Variants in COL24A1 observed in about 807,000 individuals in gnomAD.
COL24A1 encodes the protein collagen alpha-1(XXIV) chain.
In COL24A1, 224 loss-of-function variants were observed where a neutral mutation model predicts 253.9. The observed-to-expected ratio is 0.88, with a 90% CI of 0.79 to 0.99. The LOEUF (loss-of-function observed/expected upper bound fraction) is 0.99, where lower values mean the gene tolerates loss of function less well. Among genes scored for constraint, COL24A1 ranks in the 50% least tolerant of loss-of-function variants. The pLI is 0.00. For synonymous variants in COL24A1, 685 were observed against 673.7 expected (o/e 1.02, Z -0.26); for missense variants, 2,131 against 2,068.5 (o/e 1.03, Z -0.59).
At chr1:85,869,321 C>T (rs1263657978) in intron 35 of COL24A1, among the ~76,000 whole-genome samples, 5 of 152,180 alleles carry the variant, frequency 3.3e-5, no homozygotes, top group African/African-American at 1.2e-4. Flanking sequence ...GGCTCTGCAA[C>T]GTACAAATTC....
At chr1:86,011,504 T>A (rs1332227729) in intron 19 of COL24A1, among the ~76,000 whole-genome samples, 2 of 152,224 alleles carry the variant, frequency 1.3e-5, no homozygotes, top group Admixed American at 6.5e-5. Context: ...TCAGGCTCCT[T>A]CATATGCTCT....
Position 85,784,871 on chromosome 1 carries a change from C to T in COL24A1, c.4060-505G>A, listed in dbSNP as rs375495718. Among the ~76,000 whole-genome samples, 146 of 152,162 alleles carry T rather than the reference C, an allele frequency of 9.6e-4. 3 individuals are homozygous for T. The South Asian group carries it at 0.022, about 23-fold the overall frequency. On this transcript the variant is annotated intron_variant, in intron 48 of 59. Coordinates refer to ENST00000370571, the MANE Select transcript of COL24A1 (RefSeq NM_152890.7). ...TCAGTCTCCTGAGTAGCTGGGACTACAGGCACACATCATTGCACCTAGCTA... is the reference window on the plus strand; with the variant it reads ...TCAGTCTCCTGAGTAGCTGGGACTATAGGCACACATCATTGCACCTAGCTA...
At chr1:85,950,026 A>G (rs1689737484) in intron 24 of COL24A1, among the ~76,000 whole-genome samples, 1 of 152,060 alleles carries the variant, frequency 6.6e-6, no homozygotes, top group Non-Finnish European at 1.5e-5. Flanking sequence ...GCCTTCTTAC[A>G]TTTTTAGGAA....
At chr1:85,748,025 A>C (rs992548523) in intron 55 of COL24A1, among the ~76,000 whole-genome samples, 4 of 152,358 alleles carry the variant, frequency 2.6e-5, no homozygotes, top group Non-Finnish European at 5.9e-5. Context: ...TGTTAACATC[A>C]TTAGGAAAAC....
At chr1:85,886,616 G>A (rs1380819768) in intron 32 of COL24A1, among the ~76,000 whole-genome samples, 1 of 151,838 alleles carries the variant, frequency 6.6e-6, no homozygotes, top group Non-Finnish European at 1.5e-5. Flanking sequence ...AGTGAGCCAA[G>A]ATTGCACCAC....
chr1:85,805,872 G>A (rs1446880159), intron 47 of COL24A1, among the ~76,000 whole-genome samples: 1 of 151,982 alleles, frequency 6.6e-6, no homozygotes, highest in African/African-American at 2.4e-5. Flanking sequence ...TCAGGAGATC[G>A]AGACCATCCT....
intron 2 of COL24A1, among the ~76,000 whole-genome samples, chr1:86,140,616 T>A (rs2102382472): frequency 6.6e-6 from 1 of 152,286 alleles, no homozygotes; most frequent in African/African-American, 2.4e-5. Flanking sequence ...ACACACGTGG[T>A]TTTCACACCT....
intron 52 of COL24A1, 129 bp from the exon 53 acceptor site, chr1:85,775,838 G>C: frequency 4.4e-6 from 3 of 676,620 alleles, no homozygotes; most frequent in Non-Finnish European, 7.5e-6. Context: ...GACCTGTTTT[G>C]TTAAATTGTA....
chr1:85,849,295 TG>T, intron 38 of COL24A1, 57 bp downstream of exon 38: 1 of 1,302,834 alleles, frequency 7.7e-7, no homozygotes, highest in Non-Finnish European at 1.1e-6. Flanking sequence ...CAGCAGTCTA[TG>T]GAGTTCTGGG....
chr1:86,033,989 C>A, intron 12 of COL24A1, 66 bp from the exon 13 acceptor site: 3 of 1,267,290 alleles, frequency 2.4e-6, no homozygotes, highest in South Asian at 1.6e-5. Context: ...TATTTTCTAA[C>A]AAAGAATTTA....
At chr1:85,993,288 A>G (rs189675340) in intron 19 of COL24A1, among the ~76,000 whole-genome samples, 27 of 152,276 alleles carry the variant, frequency 1.8e-4, no homozygotes, top group African/African-American at 5.8e-4. Context: ...TCTGTTTTCT[A>G]TTGAAATATA....
intron 47 of COL24A1, among the ~76,000 whole-genome samples, chr1:85,788,461 T>A (rs1276860787): frequency 6.6e-6 from 1 of 152,220 alleles, no homozygotes; most frequent in South Asian, 2.1e-4. Flanking sequence ...ATTCTGGATA[T>A]TACACATTTG....
chr1:85,862,644 C>T (rs1679288831), intron 37 of COL24A1, among the ~76,000 whole-genome samples: 1 of 152,182 alleles, frequency 6.6e-6, no homozygotes, highest in East Asian at 1.9e-4. Flanking sequence ...ATGAGGGACA[C>T]AGTGGTCAGT....
At chr1:85,890,182 T>C (rs1028047196) in intron 31 of COL24A1, among the ~76,000 whole-genome samples, 1 of 152,212 alleles carries the variant, frequency 6.6e-6, no homozygotes, top group Non-Finnish European at 1.5e-5. Context: ...CTTTTGGCTA[T>C]TGTGAATAAT....
At chr1:85,878,593 A>C (rs1310466655) in intron 32 of COL24A1, among the ~76,000 whole-genome samples, 1 of 152,198 alleles carries the variant, frequency 6.6e-6, no homozygotes, top group Non-Finnish European at 1.5e-5. Flanking sequence ...ATTTGGGTAA[A>C]CACTAAGGAT....
chr1:85,876,992 A>C (rs1419374564), intron 33 of COL24A1, 130 bp downstream of exon 33: 1 of 562,564 alleles, frequency 1.8e-6, no homozygotes, highest in Non-Finnish European at 3.0e-6. Context: ...ATGGAATTTT[A>C]GTTTTTTTCT....
intron 46 of COL24A1, 28 bp from the exon 47 acceptor site, chr1:85,816,923 T>C (rs1558235845): frequency 1.4e-6 from 2 of 1,474,916 alleles, no homozygotes; most frequent in Non-Finnish European, 1.9e-6. Flanking sequence ...ATTTGGATTG[T>C]AGAGATGCTG....
At chr1:86,016,221 G>A (rs1467721546) in intron 19 of COL24A1, among the ~76,000 whole-genome samples, 1 of 152,006 alleles carries the variant, frequency 6.6e-6, no homozygotes, top group African/African-American at 2.4e-5. Flanking sequence ...CATACAGTAA[G>A]TAAGAATAGG....
intron 14 of COL24A1, among the ~76,000 whole-genome samples, chr1:86,024,099 T>G (rs1301163085): frequency 6.6e-6 from 1 of 152,134 alleles, no homozygotes; most frequent in Non-Finnish European, 1.5e-5. Context: ...TCCATTGTCC[T>G]CATTTCCCTT....
Sources: allele counts gnomAD v4.1 joint callset (sites outside exome capture counted in the v4.1 genomes callset), GRCh38; gene constraint gnomAD v4.1.1; transcripts MANE v1.5; gene names NCBI Gene and HGNC (gene_info 2026-07-23, HGNC 2026-07-21).